The following GALNT16 variants were observed in gnomAD, a reference collection of about 807,000 sequenced individuals.
GALNT16 encodes the protein polypeptide N-acetylgalactosaminyltransferase 16, also known as UDP-GalNAc:polypeptide N-acetylgalactosaminyltransferase-like protein 1.
GALNT16 carries 40 observed loss-of-function variants against 76.1 expected under a neutral mutation model. The ratio of observed to expected loss-of-function variants is 0.53; its 90% CI spans 0.41 to 0.68. The LOEUF is 0.68. GALNT16 is among the 30% of genes least tolerant of loss of function. The probability of loss-of-function intolerance (pLI) is 0.00; values close to 1 mark genes in which losing one functional copy is unlikely to be tolerated. For synonymous variants in GALNT16, 276 were observed against 285.2 expected, an observed-to-expected ratio of 0.97 and a Z score of 0.32; for missense variants, 621 against 731.9, an observed-to-expected ratio of 0.85 and a Z score of 1.75.
chr14:69,288,906 C>G (rs1156294150), intron 1 of GALNT16, among the ~76,000 whole-genome samples: 1 of 152,010 alleles, frequency 6.6e-6, no homozygotes, highest in Non-Finnish European at 1.5e-5. Context: ...GAGACGAGGT[C>G]TCACTCTGCC....
chr14:69,333,637 G>T lies in GALNT16; in HGVS notation c.967+37G>T. ...AATAGTGACAGTGAAAATAACAGTA[G>T]CAGTAATAACCACAGTTAACCCTGA... On this transcript the variant is annotated intron_variant, in intron 9 of 14. Transcript: ENST00000448469. This position sits in a 1 kb window ranked among gnomAD's most constrained non-coding sequence, Gnocchi z 4.2. The T allele has an allele frequency of 9.2e-7, 1 of 1,090,928 alleles. No individual in the cohort carries two copies. Among genetic ancestry groups the T allele is most frequent in the Non-Finnish European group, 1.4e-6 (1 of 714,084 alleles). The allele number at this position is 1,090,928 out of a possible 1,614,324, so 67.6% of individuals were successfully genotyped here.
At chr14:69,325,457 T>G in intron 4 of GALNT16, 53 bp downstream of exon 4, 2 of 1,060,552 alleles carry the variant, frequency 1.9e-6, no homozygotes, top group African/African-American at 1.6e-5. Flanking sequence ...CGTCCCTGTT[T>G]CCCCAGAACA....
intron 1 of GALNT16, among the ~76,000 whole-genome samples, chr14:69,285,761 CT>C (rs1566865059): frequency 2.0e-5 from 3 of 152,148 alleles, no homozygotes; most frequent in African/African-American, 7.2e-5. Context: ...CTGAGCCCCC[CT>C]CTCCATCTGT....
intron 10 of GALNT16, among the ~76,000 whole-genome samples, 200 bp downstream of exon 10, chr14:69,338,977 C>G (rs1038786170): frequency 2.6e-5 from 4 of 152,012 alleles, no homozygotes; most frequent in Admixed American, 6.5e-5. Context: ...GTCTCTCTTG[C>G]CTTGAGACTC....
chr14:69,324,638 C>T (rs2045254018), intron 2 of GALNT16, 54 bp from the exon 3 acceptor site: 1 of 972,376 alleles, frequency 1.0e-6, no homozygotes, highest in Non-Finnish European at 1.6e-6. Context: ...AAAACATTGA[C>T]CTGCCCTGAG....
In GALNT16 at chr14:69,352,376, C is replaced by T. The variant is rs1049185932; in HGVS notation, c.*208C>T. 1 of 564,198 alleles carries T rather than the reference C, an allele frequency of 1.8e-6. No individual in the cohort carries two copies. Among genetic ancestry groups the T allele is most frequent in the Non-Finnish European group, 3.1e-6 (1 of 321,832 alleles). 34.9% of individuals were successfully genotyped at this position (564,198 alleles called of 1,614,324 possible). On this transcript the variant is annotated 3_prime_UTR_variant, in exon 15 of 15. Coordinates refer to ENST00000448469, the MANE Select transcript of GALNT16 (RefSeq NM_001168368.2). ...CCGATGCCCTCAGTGCTGTCCTGGC[C>T]TTGCCCCGGGAGAGGAGATGGTCAG...
intron 1 of GALNT16, among the ~76,000 whole-genome samples, chr14:69,301,132 T>C (rs956251653): frequency 6.6e-6 from 1 of 152,176 alleles, no homozygotes; most frequent in Admixed American, 6.6e-5. Flanking sequence ...GGCTTGGGAT[T>C]GCACCAGGGA....
Position 69,352,136 on chromosome 14 carries a change from G to A in GALNT16, c.1645G>A (p.Ala549Thr). 2 of 1,613,174 alleles carry A rather than the reference G, an allele frequency of 1.2e-6. No individual in the cohort carries two copies. The highest frequency in any genetic ancestry group is 1.7e-6 in the Non-Finnish European group (2 of 1,179,524). ...CAGCAAGTGTCAGGCTGACGCCCAG[G>A]CCCAGCAGTGGCAGCTGTTGCCACA... ...VTSKCQADAQ[A>T]QQWQLLPHT The change falls in exon 15 of 15, where the codon GCC becomes ACC. Residue 549 changes from alanine to threonine, a missense_variant. Transcript: ENST00000448469.
At chr14:69,282,909 T>C (rs533853568) in intron 1 of GALNT16, among the ~76,000 whole-genome samples, 1 of 152,132 alleles carries the variant, frequency 6.6e-6, no homozygotes, top group African/African-American at 2.4e-5. Flanking sequence ...CAAGTGATTC[T>C]CCCAACTTTG....
chr14:69,333,638 C>A lies in GALNT16; in HGVS notation c.967+38C>A. Reference sequence around the variant, plus strand: ...ATAGTGACAGTGAAAATAACAGTAGCAGTAATAACCACAGTTAACCCTGAC... The same window carrying A: ...ATAGTGACAGTGAAAATAACAGTAGAAGTAATAACCACAGTTAACCCTGAC... On this transcript the variant is annotated intron_variant, in intron 9 of 14. Coordinates refer to ENST00000448469, the MANE Select transcript of GALNT16 (RefSeq NM_001168368.2). This position sits in a 1 kb window ranked among gnomAD's most constrained non-coding sequence, Gnocchi z 4.2. 9.5e-7 allele frequency: 1 copy of A among 1,055,384 alleles called. No individual in the cohort carries two copies. The highest frequency in any genetic ancestry group is 1.5e-6 in the Non-Finnish European group (1 of 681,866). The allele number at this position is 1,055,384 out of a possible 1,614,324, so 65.4% of individuals were successfully genotyped here.
Position 69,333,817 on chromosome 14 carries a change from C to A in GALNT16, c.967+217C>A. 1.9e-6 allele frequency: 1 copy of A among 525,868 alleles called. No homozygotes were observed. The allele number at this position is 525,868 out of a possible 1,614,324, so 32.6% of individuals were successfully genotyped here. A position where few individuals can be genotyped will look rare whatever the true frequency, so the allele number is the denominator to read the frequency against. On this transcript the variant is annotated intron_variant, in intron 9 of 14. Coordinates refer to ENST00000448469, the MANE Select transcript of GALNT16 (RefSeq NM_001168368.2). The surrounding 1 kb of genome is among the most constrained non-coding windows in gnomAD (Gnocchi z 4.2). ...GAGAAGTTAAGCAATTTGTCCAGAG[C>A]CACACAGCTAGTAAACAAAGAGGTT...
chr14:69,313,914 C>A (rs1428527829), intron 1 of GALNT16, among the ~76,000 whole-genome samples: 1 of 152,188 alleles, frequency 6.6e-6, no homozygotes, highest in Non-Finnish European at 1.5e-5. Context: ...GAGGAGATAG[C>A]CTTTAAGGTC....
At chr14:69,347,511 G>A (rs2045582375) in intron 13 of GALNT16, among the ~76,000 whole-genome samples, 1 of 152,148 alleles carries the variant, frequency 6.6e-6, no homozygotes, top group Non-Finnish European at 1.5e-5. Context: ...CAACATATGA[G>A]TGTTGCACCC....
chr14:69,271,886 A>G (rs983878259), intron 1 of GALNT16, among the ~76,000 whole-genome samples: 1 of 152,226 alleles, frequency 6.6e-6, no homozygotes, highest in African/African-American at 2.4e-5. Flanking sequence ...CCTTGCTAGT[A>G]TTTTGTACAT....
intron 1 of GALNT16, among the ~76,000 whole-genome samples, chr14:69,296,422 G>A (rs2044760171): frequency 6.6e-6 from 1 of 152,158 alleles, no homozygotes; most frequent in African/African-American, 2.4e-5. Context: ...GCTCAGGTGT[G>A]TTGGCTCATG....
chr14:69,272,666 C>T (rs1036543995), intron 1 of GALNT16, among the ~76,000 whole-genome samples: 1 of 152,178 alleles, frequency 6.6e-6, no homozygotes, highest in Non-Finnish European at 1.5e-5. Flanking sequence ...CTGACTCACC[C>T]AGAGCAATTC....
intron 1 of GALNT16, among the ~76,000 whole-genome samples, chr14:69,283,601 A>T (rs898696199): frequency 2.6e-5 from 4 of 152,168 alleles, no homozygotes; most frequent in Admixed American, 6.5e-5. Context: ...AAGACCACCG[A>T]TGCTGGAATC....
the GALNT16 span, among the ~76,000 whole-genome samples, chr14:69,369,454 GCTAGCAACAC>G: frequency 6.6e-6 from 1 of 152,188 alleles, no homozygotes; most frequent in South Asian, 2.1e-4. Flanking sequence ...AGGTTGGCTG[GCTAGCAACAC>G]CATTCAAGAC....
chr14:69,301,357 A>G (rs558966415), intron 1 of GALNT16, among the ~76,000 whole-genome samples: 1 of 152,086 alleles, frequency 6.6e-6, no homozygotes, highest in Non-Finnish European at 1.5e-5. Flanking sequence ...TTATTTTTTT[A>G]AATTATTATT....
Sources: gnomAD v4.1 joint callset for allele counts (sites outside exome capture counted in the v4.1 genomes callset) on GRCh38, gnomAD v4.1.1 for gene constraint, Gnocchi (gnomAD v3.1) non-coding constraint, MANE v1.5 for transcripts, NCBI Gene and HGNC (gene_info 2026-07-23, HGNC 2026-07-21) for gene names.